Variants in SLC26A3 observed in about 807,000 individuals in gnomAD.
The protein encoded by SLC26A3 is solute carrier family 26 member 3, also known as chloride anion exchanger.
Under a neutral mutation model 85.6 loss-of-function variants are expected in SLC26A3, and 64 were observed. That is an observed-to-expected ratio of 0.75 (90% CI 0.61 to 0.92). The LOEUF is 0.92. SLC26A3 is among the 40% of genes least tolerant of loss of function. SLC26A3 has a pLI of 0.00. For synonymous variants in SLC26A3, 349 were observed against 336.0 expected (o/e 1.04, Z -0.42); for missense variants, 922 against 927.3 (o/e 0.99, Z 0.07).
At chr7:107,775,621 A>G (rs1794098960) in intron 15 of SLC26A3, among the ~76,000 whole-genome samples, 1 of 151,234 alleles carries the variant, frequency 6.6e-6, no homozygotes. Context: ...AGTCTCATCT[A>G]CTTGGGGGGC....
chr7:107,772,333 G>A (rs1794041876), intron 17 of SLC26A3, among the ~76,000 whole-genome samples: 1 of 152,116 alleles, frequency 6.6e-6, no homozygotes, highest in Non-Finnish European at 1.5e-5. Context: ...AGTTAAAAAT[G>A]ATCATTCTTG....
At chr7:107,789,308 G>C (rs1467572281) in intron 6 of SLC26A3, among the ~76,000 whole-genome samples, 2 of 150,686 alleles carry the variant, frequency 1.3e-5, no homozygotes, top group Non-Finnish European at 3.0e-5. Context: ...TTTTAGTAGA[G>C]ACGGGGTTTC....
intron 18 of SLC26A3, 62 bp from the exon 19 acceptor site, chr7:107,767,970 T>C (rs562573469): frequency 2.0e-6 from 3 of 1,510,296 alleles, no homozygotes; most frequent in Non-Finnish European, 2.7e-6. Context: ...GGTTTCCCCT[T>C]GAGGCTAGTA....
chr7:107,792,643 G>A lies in SLC26A3; in HGVS notation c.272-703C>T, dbSNP rs191728377. On this transcript the variant is annotated intron_variant, in intron 3 of 20. Transcript: ENST00000340010. ...GCTCACCTGCCACTCACCTCCTGCT[G>A]TGTGGCCCAGTTCTTAACAGGCCAC... Among the ~76,000 whole-genome samples the A allele has an allele frequency of 1.2e-4, 19 of 152,280 alleles. 1 individual carries two copies. In the East Asian group the frequency reaches 2.3e-3, roughly 19 times the overall value.
chr7:107,802,742 C>CTTTTTT (rs35087147), intron 1 of SLC26A3, among the ~76,000 whole-genome samples: 32 of 110,762 alleles, frequency 2.9e-4, no homozygotes, highest in African/African-American at 8.1e-4. Context: ...TTAAAGCTTG[C>CTTTTTT]TTTTTTTTTT....
rs1794071680 is a variant in SLC26A3 at position 107,774,142 on chromosome 7, T to C, written c.1785A>G (p.Ile595Met). ...GLLQVTPKGF[I>M]CTVDTIKDSD... ...AATCTTTTATGGTGTCAACAGTACATATAAATCCTTTCTGCAGGAGAGGAT... is the reference window on the plus strand; with the variant it reads ...AATCTTTTATGGTGTCAACAGTACACATAAATCCTTTCTGCAGGAGAGGAT... Residue 595 changes from isoleucine to methionine, a missense_variant, in exon 17 of 21, where the codon ATA (isoleucine) becomes ATG (methionine). By Grantham distance (10) the Ile-to-Met change is conservative (BLOSUM62 1). Coordinates refer to ENST00000340010, the MANE Select transcript of SLC26A3 (RefSeq NM_000111.3). The C allele has an allele frequency of 2.5e-6, 4 of 1,612,680 alleles. No individual in the cohort carries two copies. In the African/African-American group the frequency reaches 4.0e-5, roughly 16 times the overall value.
chr7:107,786,783 C>T (rs766818318), intron 8 of SLC26A3, 44 bp downstream of exon 8: 2 of 1,501,270 alleles, frequency 1.3e-6, no homozygotes, highest in Non-Finnish European at 9.3e-7. Context: ...ACTGCTAACT[C>T]TCTGCTTAGT....
intron 18 of SLC26A3, 92 bp from the exon 19 acceptor site, chr7:107,768,000 AATGTGCGTTTC>A: frequency 8.5e-7 from 1 of 1,176,864 alleles, no homozygotes; most frequent in Non-Finnish European, 1.3e-6. Context: ...TCCATTTGCA[AATGTGCGTTTC>A]ATTGACATTT....
In SLC26A3 at chr7:107,776,468, C is replaced by T. The variant is rs2301635; in HGVS notation, c.1661G>A (p.Arg554Gln). Residue 554 changes from arginine to glutamine, a missense_variant, in exon 15 of 21, where the codon CGG becomes CAG. By Grantham distance (43) the Arg-to-Gln change is conservative (BLOSUM62 1). Coordinates refer to ENST00000340010, the MANE Select transcript of SLC26A3 (RefSeq NM_000111.3). ...IYFANIGFFR[R>Q]KLIDAVGFSP... is the part of the protein sequence containing the mutation. ...AAACCTTACAGCATCGATAAGTTTC[C>T]GCCTAAAGAAACCAATGTTTGCAAA... 1.1e-3 allele frequency: 1,811 copies of T among 1,613,612 alleles called. 41 individuals carry two copies. In the East Asian group the frequency reaches 0.03, roughly 27 times the overall value.
At chr7:107,802,930 T>C (rs7800588) in intron 1 of SLC26A3, among the ~76,000 whole-genome samples, 181 bp downstream of exon 1, 11,573 of 152,240 alleles carry the variant, frequency 0.076, 695 homozygotes, top group African/African-American at 0.17. Context: ...ATATTTATTC[T>C]ACATTGCTAG....
chr7:107,791,305 T>A lies in SLC26A3; in HGVS notation c.383-70A>T, dbSNP rs1794397838. On this transcript the variant is annotated intron_variant, in intron 4 of 20. Transcript: ENST00000340010. ...AGCACATTGTCTTTCAACCACAGAATAAGACCATATAAAATGACTGGCAAG... is the reference window on the plus strand; with the variant it reads ...AGCACATTGTCTTTCAACCACAGAAAAAGACCATATAAAATGACTGGCAAG... The A allele has an allele frequency of 2.0e-6, 3 of 1,478,962 alleles. No homozygotes were observed. In the Admixed American group the frequency reaches 5.0e-5, roughly 25 times the overall value. The allele number at this position is 1,478,962 out of a possible 1,614,324, so 91.6% of individuals were successfully genotyped here. A position where few individuals can be genotyped will look rare whatever the true frequency, so the allele number is the denominator to read the frequency against.
chr7:107,797,754 A>ACG (rs1389384879), intron 1 of SLC26A3, among the ~76,000 whole-genome samples: 1 of 40,960 alleles, frequency 2.4e-5, no homozygotes, highest in Non-Finnish European at 4.3e-5. Context: ...TTTTTTTGAG[A>ACG]CGGAGTCTTG....
chr7:107,792,765 C>T (rs6415341), intron 3 of SLC26A3, among the ~76,000 whole-genome samples: 77,866 of 151,954 alleles, frequency 0.51, 20,752 homozygotes, highest in African/African-American at 0.66. Flanking sequence ...AATTTAAAAA[C>T]GTGTACTTCA....
rs765172072 is a variant in SLC26A3 at position 107,774,890 on chromosome 7, G to A, written c.1678-18C>T. 42 of 1,586,270 alleles carry A rather than the reference G, an allele frequency of 2.6e-5. No individual in the cohort carries two copies. The East Asian group carries it at 9.2e-4, about 35-fold the overall frequency. ...AAGCCAACCTGAGAAACCCATTGCT[G>A]TGTTACAAGAGTACTGAATATTCTG... is the stretch of plus-strand genomic sequence containing the variant. On this transcript the variant is annotated intron_variant, in intron 15 of 20. Coordinates refer to ENST00000340010, the MANE Select transcript of SLC26A3 (RefSeq NM_000111.3).
At chr7:107,780,460 A>G (rs1381670138) in intron 11 of SLC26A3, among the ~76,000 whole-genome samples, 1 of 152,150 alleles carries the variant, frequency 6.6e-6, no homozygotes, top group African/African-American at 2.4e-5. Context: ...AAGGTGAAAA[A>G]TGCTGAATAG....
intron 1 of SLC26A3, among the ~76,000 whole-genome samples, chr7:107,797,755 C>T (rs1006047798): frequency 4.6e-4 from 19 of 41,260 alleles, no homozygotes; most frequent in Admixed American, 4.2e-4. Context: ...TTTTTTGAGA[C>T]GGAGTCTTGC....
At chr7:107,797,136 C>T (rs191701980) in intron 1 of SLC26A3, among the ~76,000 whole-genome samples, 1 of 152,300 alleles carries the variant, frequency 6.6e-6, no homozygotes, top group Non-Finnish European at 1.5e-5. Flanking sequence ...CAGTAAAAGC[C>T]TCCTCCTCAT....
At position 107,767,653 on chromosome 7, in the gene SLC26A3, A is replaced by G. The variant is rs373719136; in HGVS notation, c.2206-9T>C. On this transcript the variant is annotated splice_polypyrimidine_tract_variant and intron_variant, in intron 19 of 20. Transcript: ENST00000340010. Reference sequence around the variant, plus strand: ...ATTTTTCCATCTTTTTCCTGAGAAAAAGAGAATGGAAATATGGATTAGGGG... The same window carrying G: ...ATTTTTCCATCTTTTTCCTGAGAAAGAGAGAATGGAAATATGGATTAGGGG... The G allele has an allele frequency of 9.9e-6, 16 of 1,609,616 alleles. No individual in the cohort carries two copies. The highest frequency in any genetic ancestry group is 1.4e-5 in the Non-Finnish European group (16 of 1,176,250).
chr7:107,789,773 C>G, intron 5 of SLC26A3, 85 bp from the exon 6 acceptor site: 1 of 1,396,088 alleles, frequency 7.2e-7, no homozygotes, highest in Non-Finnish European at 9.9e-7. Context: ...AATAATATTA[C>G]ACAAAACGTA....
Sources: allele counts gnomAD v4.1 joint callset (sites outside exome capture counted in the v4.1 genomes callset), GRCh38; gene constraint gnomAD v4.1.1; transcripts MANE v1.5; gene names NCBI Gene and HGNC (gene_info 2026-07-23, HGNC 2026-07-21).